Variants in BCL2 observed in about 807,000 individuals in gnomAD.
The protein encoded by BCL2 is BCL2 apoptosis regulator, also known as apoptosis regulator Bcl-2.
In BCL2, 1 loss-of-function variant was observed where a neutral mutation model predicts 14.2. The observed-to-expected ratio is 0.07, with a 90% CI of 0.02 to 0.33. The LOEUF (loss-of-function observed/expected upper bound fraction) is 0.33. BCL2 is among the 10% of genes least tolerant of loss of function. The pLI is 0.99. For synonymous variants in BCL2, 151 were observed against 137.2 expected, an observed-to-expected ratio of 1.10 and a Z score of -0.70; for missense variants, 247 against 305.9, an observed-to-expected ratio of 0.81 and a Z score of 1.44.
intron 2 of BCL2, among the ~76,000 whole-genome samples, chr18:63,192,768 C>T (rs961250014): frequency 2.0e-5 from 3 of 152,190 alleles, no homozygotes; most frequent in Non-Finnish European, 4.4e-5. Flanking sequence ...AGACTTAATA[C>T]AGCTTCTCAC....
chr18:63,195,915 C>G (rs368257105), intron 2 of BCL2, among the ~76,000 whole-genome samples: 2 of 152,180 alleles, frequency 1.3e-5, no homozygotes, highest in African/African-American at 4.8e-5. Context: ...AAAATGTGGT[C>G]ACCATAATTA....
chr18:63,213,588 T>C (rs911312719), intron 2 of BCL2, among the ~76,000 whole-genome samples: 2 of 134,298 alleles, frequency 1.5e-5, no homozygotes, highest in Non-Finnish European at 3.3e-5. Flanking sequence ...ACTATGAAAA[T>C]GATGTTGAGG....
chr18:63,127,318 A>G lies in BCL2; in HGVS notation c.*1307T>C, dbSNP rs977013372. 1.3e-5 allele frequency: 3 copies of G among 231,648 alleles called. No individual in the cohort carries two copies. The highest frequency in any genetic ancestry group is 4.4e-5 in the African/African-American group (2 of 45,204). The allele number at this position is 231,648 out of a possible 1,614,324, so 14.3% of individuals were successfully genotyped here. On this transcript the variant is annotated 3_prime_UTR_variant, in exon 3 of 3. Coordinates refer to ENST00000333681, the MANE Select transcript of BCL2 (RefSeq NM_000633.3). ...GCTACAGCCAAAATGGGCCGTGGCC[A>G]TTGCCTCTCCTCACGTTCCCAGCCT...
At chr18:63,216,244 G>A (rs1327581181) in intron 2 of BCL2, among the ~76,000 whole-genome samples, 1 of 151,974 alleles carries the variant, frequency 6.6e-6, no homozygotes, top group Non-Finnish European at 1.5e-5. Flanking sequence ...ATAACACAGT[G>A]GAAGTGGAAG....
chr18:63,250,023 A>T (rs946033503), intron 2 of BCL2, among the ~76,000 whole-genome samples: 3 of 152,128 alleles, frequency 2.0e-5, no homozygotes, highest in East Asian at 1.9e-4. Flanking sequence ...TATTTTACAG[A>T]CCAGGAAGCC....
At chr18:63,311,902 G>A (rs528813027) in intron 2 of BCL2, among the ~76,000 whole-genome samples, 1 of 152,278 alleles carries the variant, frequency 6.6e-6, no homozygotes, top group East Asian at 1.9e-4. Flanking sequence ...CTTACCCTAA[G>A]CTATTTTAGT....
intron 2 of BCL2, among the ~76,000 whole-genome samples, chr18:63,141,166 T>C (rs1401812298): frequency 6.6e-6 from 1 of 152,178 alleles, no homozygotes; most frequent in Non-Finnish European, 1.5e-5. Context: ...CTCTAAGAAG[T>C]CTCTCTCCGC....
intron 2 of BCL2, among the ~76,000 whole-genome samples, chr18:63,253,844 A>AAAAGAAAG (rs534621274): frequency 5.3e-5 from 8 of 151,332 alleles, no homozygotes; most frequent in African/African-American, 1.9e-4. Context: ...AGAAAAAAAA[A>AAAAGAAAG]AAAGAAAGAA....
chr18:63,229,532 A>G (rs1030152878), intron 2 of BCL2, among the ~76,000 whole-genome samples: 1 of 152,132 alleles, frequency 6.6e-6, no homozygotes, highest in African/African-American at 2.4e-5. Context: ...TCTTTGTGAT[A>G]GTGAGTTCTC....
Position 63,235,011 on chromosome 18 carries a change from C to T in BCL2, c.585+83071G>A, listed in dbSNP as rs150690467. Among the ~76,000 whole-genome samples, 714 of 151,926 alleles carry T rather than the reference C, an allele frequency of 4.7e-3. 5 individuals are homozygous for T. The highest frequency in any genetic ancestry group is 0.016 in the African/African-American group (671 of 41,376). ...AAGAAACAACGAACCAATAGAAAAACGGGCCAAGGAAAGAAAGAGATAACT... is the reference window on the plus strand; with the variant it reads ...AAGAAACAACGAACCAATAGAAAAATGGGCCAAGGAAAGAAAGAGATAACT... On this transcript the variant is annotated intron_variant, in intron 2 of 2. Coordinates refer to ENST00000333681, the MANE Select transcript of BCL2 (RefSeq NM_000633.3).
At chr18:63,184,832 T>C (rs1295398863) in intron 2 of BCL2, among the ~76,000 whole-genome samples, 1 of 152,230 alleles carries the variant, frequency 6.6e-6, no homozygotes, top group African/African-American at 2.4e-5. Flanking sequence ...AAAGTCTTTC[T>C]TGGCCACTTC....
At chr18:63,137,303 T>G (rs953130447) in intron 2 of BCL2, among the ~76,000 whole-genome samples, 7 of 152,230 alleles carry the variant, frequency 4.6e-5, no homozygotes, top group Non-Finnish European at 7.3e-5. Context: ...TATACGAAGA[T>G]CATCTGTTTA....
chr18:63,177,074 G>A lies in BCL2; in HGVS notation c.586-48315C>T, dbSNP rs530429852. 2.4e-4 allele frequency among the ~76,000 whole-genome samples: 36 copies of A among 151,872 alleles called. 1 individual carries two copies. Among genetic ancestry groups the A allele is most frequent in the South Asian group, 2.1e-3 (10 of 4,812 alleles). On this transcript the variant is annotated intron_variant, in intron 2 of 2. Transcript: ENST00000333681. ...TGGGACCACAGGTGCACACCCCCAC[G>A]CCCATGTAATTTTTCTATTTTTAGT...
At chr18:63,132,462 G>C (rs771046449) in intron 2 of BCL2, among the ~76,000 whole-genome samples, 5 of 152,166 alleles carry the variant, frequency 3.3e-5, no homozygotes, top group Non-Finnish European at 7.3e-5. Flanking sequence ...AGGATAGTCC[G>C]TAATTTCTAT....
chr18:63,260,244 A>G (rs1460970402), intron 2 of BCL2, among the ~76,000 whole-genome samples: 1 of 152,176 alleles, frequency 6.6e-6, no homozygotes, highest in African/African-American at 2.4e-5. Flanking sequence ...CATTCCATAC[A>G]TACACACACA....
chr18:63,161,653 A>G lies in BCL2; in HGVS notation c.586-32894T>C, dbSNP rs4987805. ...TTTACAAAGTGGGACTGTAAGAGAAAGTCTAGCTAGATGGAAATGTATCCT... is the reference window on the plus strand; with the variant it reads ...TTTACAAAGTGGGACTGTAAGAGAAGGTCTAGCTAGATGGAAATGTATCCT... On this transcript the variant is annotated intron_variant, in intron 2 of 2. Coordinates refer to ENST00000333681, the MANE Select transcript of BCL2 (RefSeq NM_000633.3). Among the ~76,000 whole-genome samples the G allele has an allele frequency of 3.4e-3, 516 of 152,314 alleles. 6 individuals are homozygous for G. The highest frequency in any genetic ancestry group is 0.012 in the African/African-American group (500 of 41,568).
rs116470979 is a variant in BCL2 at position 63,244,162 on chromosome 18, G to A, written c.585+73920C>T. Among the ~76,000 whole-genome samples the A allele has an allele frequency of 2.0e-3, 304 of 152,282 alleles. 1 individual carries two copies. The highest frequency in any genetic ancestry group is 7.1e-3 in the African/African-American group (293 of 41,548). On this transcript the variant is annotated intron_variant, in intron 2 of 2. Transcript: ENST00000333681. ...TGCGAGGCCGAGGTGGGTAGATTGTGAGGTCAGGAATTCAAGACTGGCCTG... is the reference window on the plus strand; with the variant it reads ...TGCGAGGCCGAGGTGGGTAGATTGTAAGGTCAGGAATTCAAGACTGGCCTG...
chr18:63,307,832 G>T (rs1913188872), intron 2 of BCL2, among the ~76,000 whole-genome samples: 1 of 152,198 alleles, frequency 6.6e-6, no homozygotes, highest in African/African-American at 2.4e-5. Context: ...AGGGAGGAAG[G>T]GAGGCTGGAA....
At chr18:63,250,913 C>T (rs1457378560) in intron 2 of BCL2, among the ~76,000 whole-genome samples, 1 of 152,122 alleles carries the variant, frequency 6.6e-6, no homozygotes, top group Admixed American at 6.6e-5. Context: ...CTTATGGATA[C>T]CACGGAGTTC....
Sources: allele counts gnomAD v4.1 joint callset (sites outside exome capture counted in the v4.1 genomes callset), GRCh38; gene constraint gnomAD v4.1.1; transcripts MANE v1.5; gene names NCBI Gene and HGNC (gene_info 2026-07-23, HGNC 2026-07-21).